Variants in CMSS1 observed in about 807,000 individuals in gnomAD.
CMSS1 encodes the protein protein CMSS1.
A neutral mutation model predicts 43.5 loss-of-function variants in CMSS1; 33 were observed. The ratio of observed to expected loss-of-function variants is 0.76; its 90% CI spans 0.57 to 1.01. CMSS1 has a LOEUF of 1.01. CMSS1 is among the 50% of genes least tolerant of loss of function. CMSS1 has a pLI of 0.00. For synonymous variants in CMSS1, 115 were observed against 117.2 expected (o/e 0.98, Z 0.12); for missense variants, 313 against 326.4 (o/e 0.96, Z 0.32).
chr3:99,902,576 A>G (rs773244526), intron 1 of CMSS1, among the ~76,000 whole-genome samples: 8 of 152,218 alleles, frequency 5.3e-5, no homozygotes, highest in African/African-American at 7.2e-5. Context: ...TCTGAAAACT[A>G]TAGTTTTGAT....
At chr3:100,092,198 G>A (rs953932002) in intron 1 of CMSS1, among the ~76,000 whole-genome samples, 1 of 152,152 alleles carries the variant, frequency 6.6e-6, no homozygotes, top group Non-Finnish European at 1.5e-5. Flanking sequence ...TTGTTAAATA[G>A]GAGGTAGAAA....
Position 99,958,632 on chromosome 3 carries a change from G to A in CMSS1, c.64+140589G>A, listed in dbSNP as rs553482676. 5.9e-5 allele frequency among the ~76,000 whole-genome samples: 9 copies of A among 152,304 alleles called. No individual in the cohort carries two copies. In the South Asian group the frequency reaches 1.9e-3, roughly 32 times the overall value. On this transcript the variant is annotated intron_variant, in intron 1 of 9. Coordinates refer to ENST00000421999, the MANE Select transcript of CMSS1 (RefSeq NM_032359.4). ...CAGAATACACTTCCAGTGAAGCTTG[G>A]TTTGAATCTTGGTACTCTTGCAGGA... is the stretch of plus-strand genomic sequence containing the variant.
intron 1 of CMSS1, among the ~76,000 whole-genome samples, chr3:100,124,344 A>G (rs1256377184): frequency 6.6e-6 from 1 of 152,264 alleles, no homozygotes; most frequent in Non-Finnish European, 1.5e-5. Flanking sequence ...CACTATGATG[A>G]TTCAATTACA....
chr3:100,049,974 G>C (rs2065342718), intron 1 of CMSS1, among the ~76,000 whole-genome samples: 1 of 152,102 alleles, frequency 6.6e-6, no homozygotes, highest in African/African-American at 2.4e-5. Flanking sequence ...CTTCTGAGTT[G>C]TTCAAAGGAC....
At chr3:100,044,891 C>G (rs1377208519) in intron 1 of CMSS1, among the ~76,000 whole-genome samples, 1 of 152,156 alleles carries the variant, frequency 6.6e-6, no homozygotes, top group East Asian at 1.9e-4. Context: ...TGGCTCTCTG[C>G]TTTGGTGACA....
chr3:99,983,500 ATATATATATG>A (rs1709231703), intron 1 of CMSS1, among the ~76,000 whole-genome samples: 10 of 108,916 alleles, frequency 9.2e-5, no homozygotes, highest in African/African-American at 3.5e-4. Context: ...ATATATATAT[ATATATATATG>A]TATATATATA....
intron 1 of CMSS1, among the ~76,000 whole-genome samples, chr3:99,934,601 T>C (rs747775416): frequency 1.3e-5 from 2 of 152,220 alleles, no homozygotes; most frequent in Non-Finnish European, 2.9e-5. Context: ...ACCAAGATAA[T>C]GTAAGCTTTT....
chr3:100,149,684 G>A (rs929476225), intron 2 of CMSS1, among the ~76,000 whole-genome samples: 1 of 151,990 alleles, frequency 6.6e-6, no homozygotes, highest in African/African-American at 2.4e-5. Flanking sequence ...TGCCCATCTT[G>A]GTCCCTGCTT....
rs201828035 is a variant in CMSS1, at chr3:99,924,331, A to G, written c.64+106288A>G. 4.9e-4 allele frequency: 784 copies of G among 1,614,068 alleles called. 1 individual carries two copies. Among genetic ancestry groups the G allele is most frequent in the Non-Finnish European group, 6.2e-4 (728 of 1,179,968 alleles). On this transcript the variant is annotated intron_variant, in intron 1 of 9. Coordinates refer to ENST00000421999, the MANE Select transcript of CMSS1 (RefSeq NM_032359.4). Reference sequence around the variant, plus strand: ...CCTCCAACTCCAATATGGTTTGCCTACGGGATTTTTCTGCCACTAAAAGCT... The same window carrying G: ...CCTCCAACTCCAATATGGTTTGCCTGCGGGATTTTTCTGCCACTAAAAGCT...
rs150764853 is a variant in CMSS1, at chr3:99,828,963, C to CA, written c.64+10921dup. 3.2e-3 allele frequency among the ~76,000 whole-genome samples: 490 copies of CA among 152,158 alleles called. 5 individuals are homozygous for CA. Among genetic ancestry groups the CA allele is most frequent in the Middle Eastern group, 0.01 (3 of 294 alleles). On this transcript the variant is annotated intron_variant, in intron 1 of 9. Coordinates refer to ENST00000421999, the MANE Select transcript of CMSS1 (RefSeq NM_032359.4). ...CATCATCCCTCTCAATGCTGCCCAT[C>CA]ATCCCTTTCAATGCTGCCCAGGCCT...
intron 1 of CMSS1, among the ~76,000 whole-genome samples, chr3:100,107,471 A>G (rs2066414648): frequency 6.6e-6 from 1 of 152,148 alleles, no homozygotes; most frequent in South Asian, 2.1e-4. Flanking sequence ...CATGATTTGA[A>G]TTGGAGCTTT....
intron 1 of CMSS1, among the ~76,000 whole-genome samples, chr3:99,838,823 T>C (rs1943004510): frequency 6.6e-6 from 1 of 152,202 alleles, no homozygotes; most frequent in African/African-American, 2.4e-5. Flanking sequence ...AATAAAATAA[T>C]ATTGTATAAT....
chr3:99,928,699 GT>G (rs1164466829), intron 1 of CMSS1, among the ~76,000 whole-genome samples: 6 of 152,244 alleles, frequency 3.9e-5, no homozygotes, highest in Admixed American at 3.9e-4. Context: ...TTTTGTTAGG[GT>G]TATGTTCAGA....
chr3:99,979,895 C>T lies in CMSS1; in HGVS notation c.64+161852C>T, dbSNP rs555248216. On this transcript the variant is annotated intron_variant, in intron 1 of 9. Coordinates refer to ENST00000421999, the MANE Select transcript of CMSS1 (RefSeq NM_032359.4). ...GTGTATTGTCTTAAAAGAGAGAGAG[C>T]GGGACAAAGTGCTGTGAAGGGTGAG... Among the ~76,000 whole-genome samples the T allele has an allele frequency of 2.6e-5, 4 of 152,030 alleles. No individual in the cohort carries two copies. The South Asian group carries it at 6.2e-4, about 24-fold the overall frequency.
At chr3:100,001,337 C>T (rs959838273) in intron 1 of CMSS1, among the ~76,000 whole-genome samples, 1 of 152,180 alleles carries the variant, frequency 6.6e-6, no homozygotes, top group African/African-American at 2.4e-5. Flanking sequence ...GACGCAGTGT[C>T]AGAGGTGAGT....
At chr3:99,917,626 T>G (rs1411641959) in intron 1 of CMSS1, among the ~76,000 whole-genome samples, 2 of 152,238 alleles carry the variant, frequency 1.3e-5, no homozygotes, top group African/African-American at 4.8e-5. Context: ...CTGTAATTTT[T>G]TATAGTTATC....
intron 1 of CMSS1, among the ~76,000 whole-genome samples, chr3:99,950,529 T>C (rs1708145150): frequency 6.6e-6 from 1 of 152,160 alleles, no homozygotes; most frequent in Admixed American, 6.5e-5. Flanking sequence ...CCTGGTGACT[T>C]TCCTTCCTTT....
chr3:100,097,312 T>A (rs1293096785), intron 1 of CMSS1, among the ~76,000 whole-genome samples: 1 of 152,176 alleles, frequency 6.6e-6, no homozygotes, highest in Non-Finnish European at 1.5e-5. Context: ...TGGGAACCAC[T>A]GTTGTATTAG....
intron 1 of CMSS1, among the ~76,000 whole-genome samples, chr3:100,014,281 T>G (rs1303209767): frequency 6.6e-6 from 1 of 151,160 alleles, no homozygotes; most frequent in Non-Finnish European, 1.5e-5. Flanking sequence ...TTGACTGTTA[T>G]GAATAATGCT....
Sources: gnomAD v4.1 joint callset for allele counts (sites outside exome capture counted in the v4.1 genomes callset) on GRCh38, gnomAD v4.1.1 for gene constraint, MANE v1.5 for transcripts, NCBI Gene and HGNC (gene_info 2026-07-23, HGNC 2026-07-21) for gene names.